SYNPR: variants seen among roughly 807,000 people sequenced by gnomAD.
SYNPR encodes synaptoporin.
Under a neutral mutation model 32.9 loss-of-function variants are expected in SYNPR, and 23 were observed. The observed-to-expected ratio is 0.70, with a 90% confidence interval of 0.50 to 0.99. SYNPR has a LOEUF of 0.99. Ranked by LOEUF, SYNPR falls within the 50% of genes least tolerant of loss-of-function variation. The pLI is 0.00. For missense variants in SYNPR, 318 were observed against 349.3 expected (o/e 0.91, Z 0.71); for synonymous variants, 146 against 135.9 (o/e 1.07, Z -0.52).
intron 1 of SYNPR, among the ~76,000 whole-genome samples, chr3:63,250,507 A>G (rs2086322862): frequency 6.6e-6 from 1 of 152,118 alleles, no homozygotes; most frequent in Non-Finnish European, 1.5e-5. Context: ...ACTTTTTGGG[A>G]GAGAGCTCTT....
intron 2 of SYNPR, among the ~76,000 whole-genome samples, chr3:63,323,263 G>A (rs137866616): frequency 1.3e-5 from 2 of 152,154 alleles, no homozygotes; most frequent in East Asian, 1.9e-4. Flanking sequence ...ATAAGAAAGA[G>A]CCAAAGGTAA....
chr3:63,601,523 G>C (rs114790351), intron 4 of SYNPR, among the ~76,000 whole-genome samples: 2,628 of 152,022 alleles, frequency 0.017, 74 homozygotes, highest in African/African-American at 0.059. Flanking sequence ...GTAGACCCTG[G>C]TTTCTGTTGT....
intron 3 of SYNPR, among the ~76,000 whole-genome samples, chr3:63,505,039 CAGAA>C (rs1246311010): frequency 6.6e-6 from 1 of 151,918 alleles, no homozygotes; most frequent in Admixed American, 6.6e-5. Context: ...GAACTGGAAA[CAGAA>C]GGAAGAAAAG....
rs534696789 is a variant in SYNPR, at chr3:63,296,080, G to T, written c.84+17338G>T. Among the ~76,000 whole-genome samples the T allele has an allele frequency of 3.3e-5, 5 of 152,260 alleles. No individual in the cohort carries two copies. The South Asian group carries it at 1.0e-3, about 32-fold the overall frequency. On this transcript the variant is annotated intron_variant, in intron 2 of 5. Transcript: ENST00000478300. Reference sequence around the variant, plus strand: ...AGGTAATGCAGGAGGAAACCTGCATGGGGCCATCATATGAGGCAACACAAG... The same window carrying T: ...AGGTAATGCAGGAGGAAACCTGCATTGGGCCATCATATGAGGCAACACAAG...
chr3:63,242,722 G>T (rs1575573812), intron 1 of SYNPR, among the ~76,000 whole-genome samples: 1 of 152,150 alleles, frequency 6.6e-6, no homozygotes, highest in South Asian at 2.1e-4. Context: ...TGAATTGCTG[G>T]ATGAGGAGTG....
intron 2 of SYNPR, among the ~76,000 whole-genome samples, chr3:63,348,394 T>A (rs1421010402): frequency 6.6e-6 from 1 of 152,212 alleles, no homozygotes; most frequent in Non-Finnish European, 1.5e-5. Flanking sequence ...TTGTTTTTTT[T>A]GAGTTGTTTG....
rs1377543333 is a variant in SYNPR at position 63,499,892 on chromosome 3, G to A, written c.209+18936G>A. On this transcript the variant is annotated intron_variant, in intron 3 of 5. Transcript: ENST00000478300. ...CTCAAGGAATTCACAGTTCAGTGAA[G>A]AAGAAAAGATAATCACACACACACA... 2.1e-5 allele frequency among the ~76,000 whole-genome samples: 3 copies of A among 145,978 alleles called. No individual in the cohort carries two copies. In the East Asian group the frequency reaches 5.9e-4, roughly 29 times the overall value.
At chr3:63,356,194 A>T (rs1441225161) in intron 2 of SYNPR, among the ~76,000 whole-genome samples, 1 of 152,218 alleles carries the variant, frequency 6.6e-6, no homozygotes, top group Non-Finnish European at 1.5e-5. Context: ...CTTGGCATGA[A>T]GGCCATGTTC....
chr3:63,415,623 T>C (rs193213161), intron 2 of SYNPR, among the ~76,000 whole-genome samples: 1 of 152,218 alleles, frequency 6.6e-6, no homozygotes, highest in Non-Finnish European at 1.5e-5. Context: ...TCAACGCGGC[T>C]GTTTTCCAAT....
chr3:63,387,460 T>C (rs1267095310), intron 2 of SYNPR, among the ~76,000 whole-genome samples: 3 of 152,220 alleles, frequency 2.0e-5, no homozygotes, highest in Admixed American at 1.3e-4. Context: ...CCTCTTTTGA[T>C]ACTTGAGTTT....
At chr3:63,343,444 G>C (rs2087394411) in intron 2 of SYNPR, among the ~76,000 whole-genome samples, 1 of 152,128 alleles carries the variant, frequency 6.6e-6, no homozygotes, top group South Asian at 2.1e-4. Context: ...TGCATCCCAG[G>C]GGCATGGCAC....
intron 1 of SYNPR, among the ~76,000 whole-genome samples, chr3:63,245,001 C>T (rs551251206): frequency 2.6e-5 from 4 of 152,184 alleles, no homozygotes; most frequent in Middle Eastern, 3.4e-3. Flanking sequence ...AAGGAAAAGA[C>T]ATTAGGATAC....
chr3:63,488,534 TA>T (rs1344459390), intron 3 of SYNPR, among the ~76,000 whole-genome samples: 1 of 152,138 alleles, frequency 6.6e-6, no homozygotes, highest in Non-Finnish European at 1.5e-5. Context: ...GCTGGGCCCA[TA>T]ACCTTATTGG....
chr3:63,386,235 C>T (rs2088042961), intron 2 of SYNPR, among the ~76,000 whole-genome samples: 3 of 152,216 alleles, frequency 2.0e-5, no homozygotes, highest in Admixed American at 1.3e-4. Context: ...AATGCACATG[C>T]TAACTGGTCA....
At chr3:63,446,563 T>C (rs1700281078) in intron 2 of SYNPR, among the ~76,000 whole-genome samples, 1 of 152,126 alleles carries the variant, frequency 6.6e-6, no homozygotes, top group Non-Finnish European at 1.5e-5. Flanking sequence ...TCAATAAGGT[T>C]GAAATTTCTC....
rs373455984 is a variant in SYNPR at position 63,230,463 on chromosome 3, C to G, written n.66+2083C>G. ...GTGGCTAATAATTGACCCTTTTCAC[C>G]TTCTCACAGCACCTTAACCTTAAAG... is the stretch of plus-strand genomic sequence containing the variant. On this transcript the variant is annotated intron_variant and non_coding_transcript_variant, in intron 1 of 4. Transcript: ENST00000478456. Among the ~76,000 whole-genome samples the G allele has an allele frequency of 1.1e-4, 17 of 152,274 alleles. No individual in the cohort carries two copies. The East Asian group carries it at 2.3e-3, about 21-fold the overall frequency.
At chr3:63,481,779 G>A (rs990031240) in intron 3 of SYNPR, among the ~76,000 whole-genome samples, 17 of 152,220 alleles carry the variant, frequency 1.1e-4, no homozygotes, top group African/African-American at 4.1e-4. Flanking sequence ...TTGGCTTCTG[G>A]AGGAGAGTGG....
intron 3 of SYNPR, among the ~76,000 whole-genome samples, chr3:63,485,013 A>T (rs777025368): frequency 2.0e-5 from 3 of 152,170 alleles, no homozygotes; most frequent in Non-Finnish European, 4.4e-5. Context: ...ACAAGTTAGG[A>T]TTTGATCATG....
chr3:63,494,990 G>T (rs1044218807), intron 3 of SYNPR, among the ~76,000 whole-genome samples: 7 of 152,122 alleles, frequency 4.6e-5, no homozygotes, highest in Non-Finnish European at 8.8e-5. Flanking sequence ...TGTTTTCCTT[G>T]GGACTCAGAA....
Sources: allele counts gnomAD v4.1 joint callset (sites outside exome capture counted in the v4.1 genomes callset), GRCh38; gene constraint gnomAD v4.1.1; transcripts MANE v1.5; gene names NCBI Gene and HGNC (gene_info 2026-07-23, HGNC 2026-07-21).